Variants in C10orf62 observed in about 807,000 individuals in gnomAD.
C10orf62 encodes uncharacterized protein C10orf62.
For missense variants in C10orf62, 279 were observed against 281.9 expected, an observed-to-expected ratio of 0.99 and a Z score of 0.07; for synonymous variants, 94 against 109.7, an observed-to-expected ratio of 0.86 and a Z score of 0.89.
In C10orf62 at chr10:97,590,696, T is replaced by C. The variant is rs577869735; in HGVS notation, c.*127T>C. 316 of 869,336 alleles carry C rather than the reference T, an allele frequency of 3.6e-4. No homozygotes were observed. Among genetic ancestry groups the C allele is most frequent in the African/African-American group, 1.6e-3 (97 of 59,148 alleles). The allele number at this position is 869,336 out of a possible 1,614,324, so 53.9% of individuals were successfully genotyped here. A position where few individuals can be genotyped will look rare whatever the true frequency, so the allele number is the denominator to read the frequency against. ...CTATGCAGGCCAGGGTGAGATGCTG[T>C]GCCCAAATCCCTACTTTCTTAGGCT... On this transcript the variant is annotated 3_prime_UTR_variant, in exon 1 of 1. Coordinates refer to ENST00000370640, the MANE Select transcript of C10orf62 (RefSeq NM_001009997.3).
Position 97,590,160 on chromosome 10 carries a change from C to T in C10orf62, c.263C>T (p.Ala88Val). 6.2e-7 allele frequency: 1 copy of T among 1,614,128 alleles called. No homozygotes were observed. Among genetic ancestry groups the T allele is most frequent in the East Asian group, 2.2e-5 (1 of 44,884 alleles). Reference protein sequence around the residue: ...FTTRHGEVGSALHRESFTSRQ... With the variant: ...FTTRHGEVGSVLHRESFTSRQ... The stretch of plus-strand genomic sequence containing the variant: ...ACGAGGCACGGAGAAGTGGGCTCCG[C>T]TCTGCACCGGGAATCCTTCACCAGC... The change falls in exon 1 of 1, where the codon GCT becomes GTT. Residue 88 changes from alanine to valine, a missense_variant. Ala to Val is a moderately conservative substitution (Grantham distance 64). Coordinates refer to ENST00000370640, the MANE Select transcript of C10orf62 (RefSeq NM_001009997.3).
In C10orf62 at chr10:97,590,414, G is replaced by A. The variant is rs1241147327; in HGVS notation, c.517G>A (p.Glu173Lys). 1 of 1,614,156 alleles carries A rather than the reference G, an allele frequency of 6.2e-7. No homozygotes were observed. The highest frequency in any genetic ancestry group is 2.2e-5 in the East Asian group (1 of 44,884). Residue 173 changes from glutamate to lysine, a missense_variant, in exon 1 of 1, where the codon GAG becomes AAG. Glu to Lys is a moderately conservative substitution (Grantham distance 56). Coordinates refer to ENST00000370640, the MANE Select transcript of C10orf62 (RefSeq NM_001009997.3). ...CCAGGAGGAGCTGAGGGCCCTCGAG[G>A]AGGTAGAGATGAAGCTGCAAAAGAA... ...INQEELRALE[E>K]VEMKLQKNFL...
At position 97,590,394 on chromosome 10, in the gene C10orf62, A is replaced by C. The variant is rs750889147; in HGVS notation, c.497A>C (p.Glu166Ala). Residue 166 changes from glutamate to alanine, a missense_variant, in exon 1 of 1, where the codon GAG becomes GCG. Glu to Ala is a moderately radical substitution (Grantham distance 107). Coordinates refer to ENST00000370640, the MANE Select transcript of C10orf62 (RefSeq NM_001009997.3). ...CTAGAGTCCAAGGACATCAACCAGGAGGAGCTGAGGGCCCTCGAGGAGGTA... is the reference window on the plus strand; with the variant it reads ...CTAGAGTCCAAGGACATCAACCAGGCGGAGCTGAGGGCCCTCGAGGAGGTA... ...GHLESKDINQ[E>A]ELRALEEVEM... The C allele has an allele frequency of 1.2e-5, 19 of 1,614,062 alleles. No individual in the cohort carries two copies. Among genetic ancestry groups the C allele is most frequent in the South Asian group, 4.4e-5 (4 of 91,080 alleles).
rs201569136 is a variant in C10orf62, at chr10:97,590,144, G to A, written c.247G>A (p.Gly83Arg). Reference sequence around the variant, plus strand: ...CATAGAGACCTTCACCACGAGGCACGGAGAAGTGGGCTCCGCTCTGCACCG... The same window carrying A: ...CATAGAGACCTTCACCACGAGGCACAGAGAAGTGGGCTCCGCTCTGCACCG... ...VHIETFTTRH[G>R]EVGSALHRES... Residue 83 changes from glycine to arginine, a missense_variant, in exon 1 of 1, where the codon GGA becomes AGA. Physicochemically the swap from Gly to Arg is moderately radical, Grantham distance 125 (BLOSUM62 -2). Transcript: ENST00000370640. 45 of 1,613,988 alleles carry A rather than the reference G, an allele frequency of 2.8e-5. No individual in the cohort carries two copies. The highest frequency in any genetic ancestry group is 1.0e-4 in the Admixed American group (6 of 59,992).
chr10:97,590,113 G>C lies in C10orf62; in HGVS notation c.216G>C (p.Thr72=). The change falls in exon 1 of 1, where the codon ACG becomes ACC. Residue 72 remains threonine (T), a synonymous_variant. Coordinates refer to ENST00000370640, the MANE Select transcript of C10orf62 (RefSeq NM_001009997.3). ...GTGGGAGTGAAGAGGTCAGCTCCAC[G>C]GTTCACATAGAGACCTTCACCACGA... ...TESGSEEVSS[T]VHIETFTTRH... 6.2e-7 allele frequency: 1 copy of C among 1,614,104 alleles called. No individual in the cohort carries two copies. Among genetic ancestry groups the C allele is most frequent in the Non-Finnish European group, 8.5e-7 (1 of 1,180,028 alleles).
Position 97,590,751 on chromosome 10 carries a change from C to T in C10orf62, c.*182C>T, listed in dbSNP as rs1419106630. On this transcript the variant is annotated 3_prime_UTR_variant, in exon 1 of 1. Transcript: ENST00000370640. ...ACGGGGATTATGGGCTCTTTAAACT[C>T]CATGAGTGGGGTCTGCCACAGAAGA... 3 of 638,646 alleles carry T rather than the reference C, an allele frequency of 4.7e-6. No individual in the cohort carries two copies. The highest frequency in any genetic ancestry group is 8.3e-6 in the Non-Finnish European group (3 of 360,372). 39.6% of individuals were successfully genotyped at this position (638,646 alleles called of 1,614,324 possible). A position where few individuals can be genotyped will look rare whatever the true frequency, so the allele number is the denominator to read the frequency against.
At position 97,590,303 on chromosome 10, in the gene C10orf62, A is replaced by C; in HGVS notation, c.406A>C (p.Thr136Pro). 1 of 1,613,770 alleles carries C rather than the reference A, an allele frequency of 6.2e-7. No homozygotes were observed. Among genetic ancestry groups the C allele is most frequent in the Non-Finnish European group, 8.5e-7 (1 of 1,179,996 alleles). Residue 136 changes from threonine (T) to proline (P), a missense_variant, in exon 1 of 1, where the codon ACC becomes CCC. Coordinates refer to ENST00000370640, the MANE Select transcript of C10orf62 (RefSeq NM_001009997.3). ...GGCTGCCTGCACCAAGGAGATTGAC[A>C]CCCAGGGGCGGCACCTGGCTCACTC... ...AVAACTKEID[T>P]QGRHLAHSML... is the part of the protein sequence containing the mutation.
rs2041008449 is a variant in C10orf62, at chr10:97,590,237, G to A, written c.340G>A (p.Gly114Arg). 3 of 1,613,852 alleles carry A rather than the reference G, an allele frequency of 1.9e-6. No individual in the cohort carries two copies. The highest frequency in any genetic ancestry group is 1.6e-4 in the Middle Eastern group (1 of 6,062). The stretch of plus-strand genomic sequence containing the variant: ...GATCCAAGAGATCCACCAGGAGTCT[G>A]GAAAAGCCCCATCCACTGATGAGGC... Reference protein sequence around the residue: ...SVIQEIHQESGKAPSTDEATW... With the variant: ...SVIQEIHQESRKAPSTDEATW... Residue 114 changes from glycine to arginine, a missense_variant, in exon 1 of 1, where the codon GGA becomes AGA. Gly to Arg is a moderately radical substitution (Grantham distance 125). Coordinates refer to ENST00000370640, the MANE Select transcript of C10orf62 (RefSeq NM_001009997.3).
rs2041012211 is a variant in C10orf62, at chr10:97,590,462, A to G, written c.565A>G (p.Thr189Ala). The G allele has an allele frequency of 6.2e-7, 1 of 1,613,732 alleles. No individual in the cohort carries two copies. ...QKNFLTQRENTIAGANHTHTF... is the reference protein window; with the variant it reads ...QKNFLTQRENAIAGANHTHTF... The stretch of plus-strand genomic sequence containing the variant: ...GAATTTCCTCACCCAGCGGGAAAAC[A>G]CCATAGCTGGTGCCAATCACACACA... The change falls in exon 1 of 1, where the codon ACC becomes GCC. Residue 189 changes from threonine to alanine, a missense_variant. Transcript: ENST00000370640.
In C10orf62 at chr10:97,590,088, G is replaced by T; in HGVS notation, c.191G>T (p.Ser64Ile). The T allele has an allele frequency of 6.2e-7, 1 of 1,614,208 alleles. No homozygotes were observed. The highest frequency in any genetic ancestry group is 8.5e-7 in the Non-Finnish European group (1 of 1,180,028). The change falls in exon 1 of 1, where the codon AGT becomes ATT. Residue 64 changes from serine to isoleucine, a missense_variant. Coordinates refer to ENST00000370640, the MANE Select transcript of C10orf62 (RefSeq NM_001009997.3). ...SASGNATQTESGSEEVSSTVH... is the reference protein window; with the variant it reads ...SASGNATQTEIGSEEVSSTVH... ...AGTGGCAATGCTACCCAGACTGAGA[G>T]TGGGAGTGAAGAGGTCAGCTCCACG... is the stretch of plus-strand genomic sequence containing the variant.
At position 97,590,353 on chromosome 10, in the gene C10orf62, C is replaced by G; in HGVS notation, c.456C>G (p.Tyr152Ter). 8 of 1,614,030 alleles carry G rather than the reference C, an allele frequency of 5.0e-6. No homozygotes were observed. The highest frequency in any genetic ancestry group is 6.8e-6 in the Non-Finnish European group (8 of 1,180,012). Reference sequence around the variant, plus strand: ...CCATGCTGCAGCGGGCCATAGCTTACCAGCACTCAGGTCACCTAGAGTCCA... The same window carrying G: ...CCATGCTGCAGCGGGCCATAGCTTAGCAGCACTCAGGTCACCTAGAGTCCA... ...AHSMLQRAIA[Y>*]QHSGHLESKD... The change falls in exon 1 of 1, where the codon TAC becomes TAG. Residue 152 changes from tyrosine to a stop codon, truncating the protein, a stop_gained. Transcript: ENST00000370640. LOFTEE classifies it low-confidence loss of function (END_TRUNC).
rs763457676 is a variant in C10orf62, at chr10:97,590,484, C to A, written c.587C>A (p.Thr196Lys). 1 of 1,613,462 alleles carries A rather than the reference C, an allele frequency of 6.2e-7. No individual in the cohort carries two copies. Among genetic ancestry groups the A allele is most frequent in the East Asian group, 2.2e-5 (1 of 44,886 alleles). Reference sequence around the variant, plus strand: ...AACACCATAGCTGGTGCCAATCACACACACACCTTCTATGGCCACAGTCAC... The same window carrying A: ...AACACCATAGCTGGTGCCAATCACAAACACACCTTCTATGGCCACAGTCAC... ...RENTIAGANH[T>K]HTFYGHSHHS... is the part of the protein sequence containing the mutation. Residue 196 changes from threonine (T) to lysine (K), a missense_variant, in exon 1 of 1, where the codon ACA becomes AAA. By Grantham distance (78) the Thr-to-Lys change is moderately conservative. Coordinates refer to ENST00000370640, the MANE Select transcript of C10orf62 (RefSeq NM_001009997.3).
In C10orf62 at chr10:97,589,779, G is replaced by A; in HGVS notation, c.-119G>A. The A allele has an allele frequency of 1.3e-6, 1 of 743,612 alleles. No individual in the cohort carries two copies. The allele number at this position is 743,612 out of a possible 1,614,324, so 46.1% of individuals were successfully genotyped here. On this transcript the variant is annotated 5_prime_UTR_variant, in exon 1 of 1. Transcript: ENST00000370640. ...GAATCATACCACCAGAGATCACCCA[G>A]CGTGCTCTTAGCTCTGCCTGCCTGG...
rs756219305 is a variant in C10orf62, at chr10:97,590,527, C to A, written c.630C>A (p.His210Gln). Reference sequence around the variant, plus strand: ...ACAGTCACCACAGTCACCATGGCCACCCAAGCCACCAGAGCCACAGCCTGC... The same window carrying A: ...ACAGTCACCACAGTCACCATGGCCAACCAAGCCACCAGAGCCACAGCCTGC... Reference protein sequence around the residue: ...YGHSHHSHHGHPSHQSHSLPN... With the variant: ...YGHSHHSHHGQPSHQSHSLPN... Residue 210 changes from histidine to glutamine, a missense_variant, in exon 1 of 1, where the codon CAC becomes CAA. Physicochemically the swap from His to Gln is conservative, Grantham distance 24. Coordinates refer to ENST00000370640, the MANE Select transcript of C10orf62 (RefSeq NM_001009997.3). 2.5e-6 allele frequency: 4 copies of A among 1,612,524 alleles called. No homozygotes were observed. In the South Asian group the frequency reaches 3.3e-5, roughly 13 times the overall value.
Position 97,589,952 on chromosome 10 carries a change from G to A in C10orf62, c.55G>A (p.Asp19Asn). 1 of 1,613,992 alleles carries A rather than the reference G, an allele frequency of 6.2e-7. No individual in the cohort carries two copies. The highest frequency in any genetic ancestry group is 1.1e-5 in the South Asian group (1 of 91,070). ...RRKETSECPS[D>N]KDKSPESHKA... ...AAAGGAAACCTCTGAGTGTCCATCA[G>A]ACAAGGACAAGTCACCAGAATCCCA... The change falls in exon 1 of 1, where the codon GAC becomes AAC. Residue 19 changes from aspartate (D) to asparagine (N), a missense_variant. Transcript: ENST00000370640.
chr10:97,590,763 T>G lies in C10orf62; in HGVS notation c.*194T>G. 1 of 626,798 alleles carries G rather than the reference T, an allele frequency of 1.6e-6. No homozygotes were observed. Among genetic ancestry groups the G allele is most frequent in the South Asian group, 2.1e-5 (1 of 48,750 alleles). The allele number at this position is 626,798 out of a possible 1,614,324, so 38.8% of individuals were successfully genotyped here. A position where few individuals can be genotyped will look rare whatever the true frequency, so the allele number is the denominator to read the frequency against. On this transcript the variant is annotated 3_prime_UTR_variant, in exon 1 of 1. Coordinates refer to ENST00000370640, the MANE Select transcript of C10orf62 (RefSeq NM_001009997.3). ...GGCTCTTTAAACTCCATGAGTGGGG[T>G]CTGCCACAGAAGATGGCCCCTGTTG...
At position 97,590,548 on chromosome 10, in the gene C10orf62, C is replaced by A. The variant is rs758214255; in HGVS notation, c.651C>A (p.Ser217Arg). 8.1e-6 allele frequency: 13 copies of A among 1,611,844 alleles called. No individual in the cohort carries two copies. In the Admixed American group the frequency reaches 2.0e-4, roughly 25 times the overall value. ...HHGHPSHQSH[S>R]LPNRRH Reference sequence around the variant, plus strand: ...GCCACCCAAGCCACCAGAGCCACAGCCTGCCTAATCGCAGACACTAGATCT... The same window carrying A: ...GCCACCCAAGCCACCAGAGCCACAGACTGCCTAATCGCAGACACTAGATCT... Residue 217 changes from serine (S) to arginine (R), a missense_variant, in exon 1 of 1, where the codon AGC becomes AGA. Coordinates refer to ENST00000370640, the MANE Select transcript of C10orf62 (RefSeq NM_001009997.3).
chr10:97,590,026 C>T lies in C10orf62; in HGVS notation c.129C>T (p.Ser43=), dbSNP rs140956245. Residue 43 remains serine (S), a synonymous_variant, in exon 1 of 1, where the codon TCC becomes TCT. Coordinates refer to ENST00000370640, the MANE Select transcript of C10orf62 (RefSeq NM_001009997.3). The stretch of plus-strand genomic sequence containing the variant: ...TTAAATCCCACTTTAGCCGCCTTTC[C>T]GAAGAGAAGCTGGCCCTCGACAACA... The part of the protein sequence containing the change: ...SWIKSHFSRL[S]EEKLALDNNA... 1.3e-3 allele frequency: 2,147 copies of T among 1,614,154 alleles called. 12 individuals are homozygous for T. The highest frequency in any genetic ancestry group is 6.1e-3 in the Middle Eastern group (37 of 6,062).
chr10:97,590,408 C>G lies in C10orf62; in HGVS notation c.511C>G (p.Leu171Val), dbSNP rs755178647. Residue 171 changes from leucine to valine, a missense_variant, in exon 1 of 1, where the codon CTC becomes GTC. Coordinates refer to ENST00000370640, the MANE Select transcript of C10orf62 (RefSeq NM_001009997.3). ...CATCAACCAGGAGGAGCTGAGGGCC[C>G]TCGAGGAGGTAGAGATGAAGCTGCA... Reference protein sequence around the residue: ...KDINQEELRALEEVEMKLQKN... With the variant: ...KDINQEELRAVEEVEMKLQKN... 4 of 1,614,160 alleles carry G rather than the reference C, an allele frequency of 2.5e-6. No individual in the cohort carries two copies. In the Admixed American group the frequency reaches 6.7e-5, roughly 27 times the overall value.
Sources: gnomAD v4.1 joint callset for allele counts on GRCh38, gnomAD v4.1.1 for gene constraint, MANE v1.5 for transcripts, NCBI Gene and HGNC (gene_info 2026-07-23, HGNC 2026-07-21) for gene names.